Variants in PCSK5 observed in about 807,000 individuals in gnomAD.
The protein encoded by PCSK5 is prohormone convertase 5.
PCSK5 carries 129 observed loss-of-function variants against 233.2 expected under a neutral mutation model. The ratio of observed to expected loss-of-function variants is 0.55; its 90% confidence interval spans 0.48 to 0.64. The LOEUF is 0.64. Ranked by LOEUF, PCSK5 falls within the 30% of genes least tolerant of loss-of-function variation. The pLI, the probability that PCSK5 is intolerant of heterozygous loss-of-function variation, is 0.00. For synonymous variants in PCSK5, 825 were observed against 879.2 expected, an observed-to-expected ratio of 0.94 and a Z score of 1.09; for missense variants, 2,076 against 2,430.1, an observed-to-expected ratio of 0.85 and a Z score of 3.06.
At chr9:76,097,254 T>TC (rs1831567576) in intron 8 of PCSK5, among the ~76,000 whole-genome samples, 1 of 117,872 alleles carries the variant, frequency 8.5e-6, no homozygotes, top group Admixed American at 8.0e-5. Flanking sequence ...TTCTTTTTTT[T>TC]TTTTTTTTTT....
intron 5 of PCSK5, among the ~76,000 whole-genome samples, chr9:76,050,399 A>T (rs1450794039): frequency 1.3e-5 from 2 of 152,250 alleles, no homozygotes. Flanking sequence ...ATAATTTGAT[A>T]CAGGTCATTA....
chr9:76,337,753 T>C (rs1564189114), intron 34 of PCSK5, among the ~76,000 whole-genome samples: 2 of 151,918 alleles, frequency 1.3e-5, no homozygotes, highest in Non-Finnish European at 2.9e-5. Context: ...TAATTACAGG[T>C]GTGAGCCACT....
chr9:76,077,957 T>G (rs919417419), intron 7 of PCSK5, among the ~76,000 whole-genome samples: 1 of 152,218 alleles, frequency 6.6e-6, no homozygotes, highest in Non-Finnish European at 1.5e-5. Context: ...GGTAGCTCTG[T>G]TTTAAGTTCT....
At chr9:76,328,299 C>T (rs566503687) in intron 33 of PCSK5, 60 bp downstream of exon 33, 1 of 1,229,250 alleles carries the variant, frequency 8.1e-7, no homozygotes, top group African/African-American at 1.5e-5. Flanking sequence ...CTGCCTTGCA[C>T]ACTGCCTTGT....
At chr9:76,231,061 C>G (rs1826063292) in intron 21 of PCSK5, among the ~76,000 whole-genome samples, 1 of 151,948 alleles carries the variant, frequency 6.6e-6, no homozygotes, top group Admixed American at 6.6e-5. Context: ...AAGAAATACT[C>G]GAGACTGGGT....
chr9:76,280,284 C>T (rs1827825461), intron 24 of PCSK5, among the ~76,000 whole-genome samples: 1 of 152,166 alleles, frequency 6.6e-6, no homozygotes, highest in Non-Finnish European at 1.5e-5. Flanking sequence ...CCCTATATCT[C>T]TTCCTCTCAT....
intron 24 of PCSK5, among the ~76,000 whole-genome samples, chr9:76,245,788 G>C (rs1826572798): frequency 6.6e-6 from 1 of 152,140 alleles, no homozygotes; most frequent in South Asian, 2.1e-4. Context: ...GTGTCTTGAA[G>C]GGGGTATTAA....
At chr9:76,315,928 G>GTTTT (rs71499141) in intron 30 of PCSK5, among the ~76,000 whole-genome samples, 22 of 91,802 alleles carry the variant, frequency 2.4e-4, no homozygotes, top group African/African-American at 6.6e-4. Context: ...CACTTCAAGG[G>GTTTT]TTTTTTTTTT....
intron 5 of PCSK5, among the ~76,000 whole-genome samples, chr9:76,058,318 A>G (rs1444269366): frequency 6.6e-6 from 1 of 152,164 alleles, no homozygotes; most frequent in Non-Finnish European, 1.5e-5. Flanking sequence ...GTTCAGTGGG[A>G]TGAGTGAGGA....
intron 2 of PCSK5, among the ~76,000 whole-genome samples, chr9:75,943,340 A>C (rs779938458): frequency 5.9e-5 from 9 of 152,192 alleles, no homozygotes; most frequent in Non-Finnish European, 1.2e-4. Context: ...TAAAATAAGC[A>C]AATCTAGGGA....
At chr9:76,042,733 C>T (rs1829174974) in intron 5 of PCSK5, among the ~76,000 whole-genome samples, 1 of 152,146 alleles carries the variant, frequency 6.6e-6, no homozygotes, top group African/African-American at 2.4e-5. Flanking sequence ...AGTATTTTCC[C>T]TTAGCTAGAA....
chr9:76,322,069 C>A (rs950220195), intron 31 of PCSK5, among the ~76,000 whole-genome samples: 1 of 151,932 alleles, frequency 6.6e-6, no homozygotes, highest in Non-Finnish European at 1.5e-5. Context: ...CCTGCCTCAG[C>A]CTCCAGAGTA....
rs1482684756 is a variant in PCSK5, at chr9:76,192,087, AG to A, written c.2626+2342del. ...TGTCTCAAAAAAAAAAAAAAAAAAAAGAAGTGATGATCGATGCAGGAAATCC... is the reference window on the plus strand; with the variant it reads ...TGTCTCAAAAAAAAAAAAAAAAAAAAAAGTGATGATCGATGCAGGAAATCC... On this transcript the variant is annotated intron_variant, in intron 20 of 37. Transcript: ENST00000674117. 9.5e-5 allele frequency among the ~76,000 whole-genome samples: 14 copies of A among 147,018 alleles called. No homozygotes were observed. The East Asian group carries it at 2.2e-3, about 23-fold the overall frequency.
intron 9 of PCSK5, among the ~76,000 whole-genome samples, chr9:76,125,848 C>G (rs1215256816): frequency 6.6e-6 from 1 of 152,138 alleles, no homozygotes; most frequent in Non-Finnish European, 1.5e-5. Context: ...TGCTGCAGCT[C>G]CAATCATCAT....
chr9:76,292,242 G>A lies in PCSK5; in HGVS notation c.3152G>A (p.Gly1051Glu), dbSNP rs1237053678. The A allele has an allele frequency of 1.9e-6, 3 of 1,570,690 alleles. No individual in the cohort carries two copies. The highest frequency in any genetic ancestry group is 1.7e-6 in the Non-Finnish European group (2 of 1,143,294). ...GCLGCSLDDP[G>E]TCTSCAMGYY... ...TATTTTTTTTTTCCAGATGATCCAG[G>A]AACATGTACATCTTGCGCTATGGGG... The change falls in exon 25 of 38, where the codon GGA (glycine) becomes GAA (glutamate). Residue 1051 changes from glycine to glutamate, a missense_variant. Gly to Glu is a moderately conservative substitution (Grantham distance 98). Around this residue, in one of 6 missense-constraint regions of PCSK5, gnomAD observed 1,510 missense variants for 1,538.1 expected, o/e 0.98. Coordinates refer to ENST00000674117, the MANE Select transcript of PCSK5 (RefSeq NM_001372043.1).
chr9:76,272,895 C>T (rs999920657), intron 24 of PCSK5, among the ~76,000 whole-genome samples: 2 of 150,900 alleles, frequency 1.3e-5, no homozygotes, highest in South Asian at 4.2e-4. Flanking sequence ...CCTCTTCTTG[C>T]TTCTCCAAGC....
intron 30 of PCSK5, among the ~76,000 whole-genome samples, chr9:76,313,923 C>T (rs912819827): frequency 2.6e-5 from 4 of 152,092 alleles, no homozygotes; most frequent in Admixed American, 2.6e-4. Flanking sequence ...CCGAGCTCCA[C>T]CCCAGCAAAC....
intron 35 of PCSK5, among the ~76,000 whole-genome samples, chr9:76,339,789 C>A (rs751241108): frequency 6.6e-6 from 1 of 152,084 alleles, no homozygotes; most frequent in African/African-American, 2.4e-5. Context: ...ATGATCCGCC[C>A]GCCTCAACCT....
At chr9:76,240,528 A>G (rs1013404202) in intron 23 of PCSK5, 88 bp from the exon 24 acceptor site, 30 of 907,464 alleles carry the variant, frequency 3.3e-5, no homozygotes, top group Non-Finnish European at 5.2e-5. Flanking sequence ...ACTTTAAAAT[A>G]AGCTACACAC....
Sources: allele counts gnomAD v4.1 joint callset (sites outside exome capture counted in the v4.1 genomes callset), GRCh38; gene constraint gnomAD v4.1.1; regional missense constraint gnomAD v4.1.1; transcripts MANE v1.5; gene names NCBI Gene and HGNC (gene_info 2026-07-23, HGNC 2026-07-21).